CDC42BPB: variants seen among roughly 807,000 people sequenced by gnomAD.
The protein encoded by CDC42BPB is serine/threonine-protein kinase MRCK beta.
Under a neutral mutation model 214.9 loss-of-function variants are expected in CDC42BPB, and 37 were observed. That is an observed-to-expected ratio of 0.17 (90% CI 0.13 to 0.23). CDC42BPB has a LOEUF of 0.23. Among genes scored for constraint, CDC42BPB ranks in the 10% least tolerant of loss-of-function variants. CDC42BPB has a pLI of 1.00. For synonymous variants in CDC42BPB, 931 were observed against 884.0 expected (o/e 1.05, Z -0.94); for missense variants, 1,694 against 2,227.0 (o/e 0.76, Z 4.82).
Position 103,057,426 on chromosome 14 carries a change from C to T in CDC42BPB, c.-253G>A, listed in dbSNP as rs973538730. ...CCCCTCGGCGCCGCCGCCCTCCCAG[C>T]TCGGGCGGCCCGCCCCCGCCGCCCT... On this transcript the variant is annotated 5_prime_UTR_variant, in exon 1 of 37. Transcript: ENST00000361246. 1.6e-6 allele frequency: 1 copy of T among 626,076 alleles called. No individual in the cohort carries two copies. The highest frequency in any genetic ancestry group is 2.0e-6 in the Non-Finnish European group (1 of 503,424). 38.8% of individuals were successfully genotyped at this position (626,076 alleles called of 1,614,324 possible).
Position 102,938,403 on chromosome 14 carries a change from C to T in CDC42BPB, c.4836G>A (p.Val1612=). 6.5e-7 allele frequency: 1 copy of T among 1,542,974 alleles called. No homozygotes were observed. Residue 1612 remains valine, a synonymous_variant, in exon 35 of 37, where the codon GTG becomes GTA. Transcript: ENST00000361246. ...CCGGCCTTTCCTCCTGGGAGGGGGG[C>T]ACAGCACTCTGGGCAGAAATAGCAA... ...QVLMDLPLSA[V]PPSQEERPGP...
intron 16 of CDC42BPB, 101 bp from the exon 17 acceptor site, chr14:102,967,271 T>C: frequency 6.9e-7 from 1 of 1,453,150 alleles, no homozygotes; most frequent in Non-Finnish European, 9.1e-7. Flanking sequence ...GAAAGTTTTC[T>C]TTAATCGTCA....
Position 102,940,086 on chromosome 14 carries a change from G to A in CDC42BPB, c.4551C>T (p.Cys1517=), listed in dbSNP as rs201876066. 7.4e-6 allele frequency: 12 copies of A among 1,613,888 alleles called. No homozygotes were observed. The highest frequency in any genetic ancestry group is 4.4e-5 in the South Asian group (4 of 91,080). The change falls in exon 32 of 37, where the codon TGC becomes TGT. Residue 1517 remains cysteine, a synonymous_variant. Coordinates refer to ENST00000361246, the MANE Select transcript of CDC42BPB (RefSeq NM_006035.4). The part of the protein sequence containing the change: ...NSEGTLNLLN[C]EPPRLIYFKS... ...TGAAGTAGATCAAGCGTGGAGGCTC[G>A]CAGTTGAGGAGGTTGAGGGTGCCTT...
chr14:102,987,571 C>T (rs376220265), intron 5 of CDC42BPB, among the ~76,000 whole-genome samples: 7 of 152,194 alleles, frequency 4.6e-5, no homozygotes, highest in African/African-American at 1.2e-4. Context: ...TGAAAACAGA[C>T]GGGTACCAAC....
chr14:103,036,251 C>G (rs1887660205), intron 1 of CDC42BPB, among the ~76,000 whole-genome samples: 1 of 150,130 alleles, frequency 6.7e-6, no homozygotes, highest in South Asian at 2.1e-4. Flanking sequence ...CTCCTGGGTT[C>G]ACACCATTCT....
Position 103,008,521 on chromosome 14 carries a change from A to G in CDC42BPB, c.302T>C (p.Ile101Thr). ...AVVKMKNTER[I>T]YAMKILNKWE... The stretch of plus-strand genomic sequence containing the variant: ...CTTGTTGAGGATTTTCATTGCATAA[A>G]TTCGTTCAGTATTCTTCATTTTGAC... Residue 101 changes from isoleucine to threonine, a missense_variant, in exon 3 of 37, where the codon ATT becomes ACT. Physicochemically the swap from Ile to Thr is moderately conservative, Grantham distance 89 (BLOSUM62 -1). This residue lies in a region of CDC42BPB where 225 missense variants were observed against 459.3 expected (regional missense o/e 0.49). Coordinates refer to ENST00000361246, the MANE Select transcript of CDC42BPB (RefSeq NM_006035.4). The G allele has an allele frequency of 6.2e-7, 1 of 1,612,838 alleles. No homozygotes were observed. Among genetic ancestry groups the G allele is most frequent in the Non-Finnish European group, 8.5e-7 (1 of 1,178,754 alleles).
At chr14:102,998,582 CAG>C (rs1894843330) in intron 5 of CDC42BPB, among the ~76,000 whole-genome samples, 1 of 152,264 alleles carries the variant, frequency 6.6e-6, no homozygotes, top group South Asian at 2.1e-4. Context: ...GATGTGGACT[CAG>C]TGGCTGAGTC....
chr14:103,041,647 C>T (rs1242648383), intron 1 of CDC42BPB: 7 of 635,202 alleles, frequency 1.1e-5, no homozygotes, highest in South Asian at 5.6e-5. Flanking sequence ...CGTGTGGTGC[C>T]GCACAGTGCG....
At chr14:103,041,125 C>T (rs1183268349) in intron 1 of CDC42BPB, among the ~76,000 whole-genome samples, 2 of 152,146 alleles carry the variant, frequency 1.3e-5, no homozygotes, top group Non-Finnish European at 2.9e-5. Flanking sequence ...GAAACTCATA[C>T]ATTTATGGTC....
At chr14:102,951,221 G>C (rs1032699221) in intron 24 of CDC42BPB, among the ~76,000 whole-genome samples, 1 of 152,210 alleles carries the variant, frequency 6.6e-6, no homozygotes, top group Non-Finnish European at 1.5e-5. Flanking sequence ...GCGGTCATGG[G>C]GACGTGGGGT....
intron 8 of CDC42BPB, 83 bp downstream of exon 8, chr14:102,980,690 G>T: frequency 7.4e-7 from 1 of 1,344,372 alleles, no homozygotes; most frequent in Non-Finnish European, 1.1e-6. Flanking sequence ...ATGGTGTACT[G>T]ACTTGATAAG....
chr14:102,939,974 G>A, intron 32 of CDC42BPB, 27 bp from the exon 33 acceptor site: 2 of 1,613,746 alleles, frequency 1.2e-6, no homozygotes, highest in Non-Finnish European at 8.5e-7. Flanking sequence ...CGCGGTGACG[G>A]TGCTGCGGCA....
chr14:102,994,848 A>G (rs1894654435), intron 5 of CDC42BPB, among the ~76,000 whole-genome samples: 1 of 152,022 alleles, frequency 6.6e-6, no homozygotes, highest in Non-Finnish European at 1.5e-5. Context: ...CCCTTGTGGA[A>G]CTTCCTGCTG....
chr14:102,982,670 C>T (rs1894056306), intron 7 of CDC42BPB, among the ~76,000 whole-genome samples: 1 of 152,130 alleles, frequency 6.6e-6, no homozygotes, highest in African/African-American at 2.4e-5. Context: ...ACTCAGGAAA[C>T]TGAGGCAGGA....
chr14:103,019,519 G>A (rs969646902), intron 1 of CDC42BPB, among the ~76,000 whole-genome samples: 9 of 152,182 alleles, frequency 5.9e-5, no homozygotes, highest in African/African-American at 2.2e-4. Context: ...CTGCTCCCCT[G>A]GACCTGCCAC....
chr14:102,981,148 G>T, intron 7 of CDC42BPB, 127 bp from the exon 8 acceptor site: 1 of 1,471,660 alleles, frequency 6.8e-7, no homozygotes, highest in African/African-American at 1.4e-5. Flanking sequence ...GGAACTAAAT[G>T]CAATCCAAAG....
intron 1 of CDC42BPB, 158 bp from the exon 2 acceptor site, chr14:103,012,346 A>G (rs1886205757): frequency 1.0e-6 from 1 of 956,166 alleles, no homozygotes; most frequent in Non-Finnish European, 1.2e-6. Context: ...ACTTATACCA[A>G]TGGACACAGA....
intron 3 of CDC42BPB, among the ~76,000 whole-genome samples, chr14:103,005,047 A>AACAG (rs1473500926): frequency 6.6e-6 from 1 of 151,918 alleles, no homozygotes; most frequent in Non-Finnish European, 1.5e-5. Flanking sequence ...GGGCGCCTGT[A>AACAG]GTCCCAGCTA....
At chr14:103,022,415 A>G (rs373973949) in intron 1 of CDC42BPB, among the ~76,000 whole-genome samples, 10 of 152,160 alleles carry the variant, frequency 6.6e-5, no homozygotes, top group Non-Finnish European at 1.5e-5. Context: ...AGCCTGGAGC[A>G]CAGTGATGCC....
Sources: gnomAD v4.1 joint callset for allele counts (sites outside exome capture counted in the v4.1 genomes callset) on GRCh38, gnomAD v4.1.1 for gene constraint, gnomAD v4.1.1 regional missense constraint, MANE v1.5 for transcripts, NCBI Gene and HGNC (gene_info 2026-07-23, HGNC 2026-07-21) for gene names.